The following PDGFRL variants were observed in gnomAD, a reference collection of about 807,000 sequenced individuals.
PDGFRL encodes the protein platelet-derived growth factor receptor-like protein.
In PDGFRL, 46 loss-of-function variants were observed where a neutral mutation model predicts 37.2. The observed-to-expected ratio is 1.24, with a 90% CI of 0.98 to 1.58. PDGFRL has a LOEUF of 1.58. Ranked by LOEUF, PDGFRL falls within the 40% of genes most tolerant of loss-of-function variation. The pLI is 0.00. For missense variants in PDGFRL, 692 were observed against 467.6 expected (o/e 1.48, Z -4.43); for synonymous variants, 251 against 184.3 (o/e 1.36, Z -2.93).
chr8:17,584,329 CA>C, intron 1 of PDGFRL, among the ~76,000 whole-genome samples: 1 of 152,278 alleles, frequency 6.6e-6, no homozygotes, highest in South Asian at 2.1e-4. Flanking sequence ...CTAACTTTGA[CA>C]TGCCTACTAG....
intron 4 of PDGFRL, among the ~76,000 whole-genome samples, chr8:17,630,211 AT>A (rs1428286535): frequency 6.6e-6 from 1 of 152,108 alleles, no homozygotes; most frequent in Non-Finnish European, 1.5e-5. Flanking sequence ...GAGTTCTCAA[AT>A]TCCCGCCTCA....
At chr8:17,589,298 A>G (rs185780254) in intron 1 of PDGFRL, among the ~76,000 whole-genome samples, 170 bp from the exon 2 acceptor site, 1 of 152,222 alleles carries the variant, frequency 6.6e-6, no homozygotes, top group African/African-American at 2.4e-5. Flanking sequence ...AGGCAAGAGA[A>G]TCACTTGAAC....
At chr8:17,589,249 G>C (rs1166936834) in intron 1 of PDGFRL, among the ~76,000 whole-genome samples, 1 of 152,058 alleles carries the variant, frequency 6.6e-6, no homozygotes, top group Non-Finnish European at 1.5e-5. Context: ...AGTTGGGTGT[G>C]GCGGCGGGCA....
chr8:17,641,303 C>G (rs1445730974), intron 5 of PDGFRL, among the ~76,000 whole-genome samples: 1 of 152,232 alleles, frequency 6.6e-6, no homozygotes, highest in African/African-American at 2.4e-5. Flanking sequence ...CGAGTTCTGT[C>G]CAGGAAACTG....
intron 2 of PDGFRL, among the ~76,000 whole-genome samples, chr8:17,619,757 A>C (rs1000535326): frequency 1.3e-5 from 2 of 152,240 alleles, no homozygotes; most frequent in Non-Finnish European, 1.5e-5. Context: ...TTCATGAGAC[A>C]CAGGCTGAAA....
At chr8:17,583,183 C>G (rs1249821814) in intron 1 of PDGFRL, among the ~76,000 whole-genome samples, 3 of 152,028 alleles carry the variant, frequency 2.0e-5, no homozygotes, top group African/African-American at 7.2e-5. Flanking sequence ...AGTGTGCGAG[C>G]AGAAGCCTGC....
chr8:17,579,517 CA>C (rs1481252507), intron 1 of PDGFRL, among the ~76,000 whole-genome samples: 1 of 133,702 alleles, frequency 7.5e-6, no homozygotes, highest in Non-Finnish European at 1.6e-5. Flanking sequence ...TTTCTGATCA[CA>C]TCTAAAAGAC....
At chr8:17,600,494 C>G (rs1804144108) in intron 2 of PDGFRL, among the ~76,000 whole-genome samples, 1 of 152,054 alleles carries the variant, frequency 6.6e-6, no homozygotes, top group Non-Finnish European at 1.5e-5. Flanking sequence ...GCTGCCTGCT[C>G]ACAATATCTG....
At chr8:17,579,906 G>A (rs1450493059) in intron 1 of PDGFRL, among the ~76,000 whole-genome samples, 3 of 152,116 alleles carry the variant, frequency 2.0e-5, no homozygotes, top group Non-Finnish European at 4.4e-5. Context: ...ATTCCACGTT[G>A]AGATGTCAAT....
intron 5 of PDGFRL, among the ~76,000 whole-genome samples, chr8:17,635,336 T>G (rs7015914): frequency 8.6e-5 from 13 of 151,458 alleles, no homozygotes; most frequent in Admixed American, 2.0e-4. Flanking sequence ...GTCATTCTTA[T>G]GTCTGCATCC....
intron 2 of PDGFRL, 71 bp from the exon 3 acceptor site, chr8:17,620,980 G>A (rs1804617922): frequency 6.1e-6 from 7 of 1,154,082 alleles, no homozygotes; most frequent in Non-Finnish European, 8.6e-6. Flanking sequence ...GAACAGTGGA[G>A]CCGAGTGTGA....
chr8:17,621,292 T>C, intron 3 of PDGFRL, 90 bp downstream of exon 3: 1 of 789,676 alleles, frequency 1.3e-6, no homozygotes, highest in Non-Finnish European at 2.0e-6. Flanking sequence ...GAATAGCAAA[T>C]AATGACAATC....
At chr8:17,581,335 G>A (rs1257941698) in intron 1 of PDGFRL, among the ~76,000 whole-genome samples, 2 of 152,174 alleles carry the variant, frequency 1.3e-5, no homozygotes, top group African/African-American at 4.8e-5. Flanking sequence ...TGGCTGTGAT[G>A]CGTGGGACGG....
intron 2 of PDGFRL, among the ~76,000 whole-genome samples, chr8:17,607,528 A>G (rs1804308171): frequency 6.6e-6 from 1 of 152,220 alleles, no homozygotes; most frequent in Non-Finnish European, 1.5e-5. Flanking sequence ...GAAAATGACA[A>G]TACAGTCAAG....
intron 2 of PDGFRL, among the ~76,000 whole-genome samples, chr8:17,610,080 C>G (rs566767043): frequency 2.4e-4 from 36 of 152,320 alleles, no homozygotes; most frequent in Admixed American, 5.9e-4. Context: ...ATAATACACT[C>G]ACTGTGCCTG....
At chr8:17,611,024 G>A (rs532224531) in intron 2 of PDGFRL, among the ~76,000 whole-genome samples, 3 of 152,212 alleles carry the variant, frequency 2.0e-5, no homozygotes, top group African/African-American at 7.2e-5. Flanking sequence ...CATTCATTTG[G>A]TTAGGACTTA....
At chr8:17,612,777 G>A (rs2588115) in intron 2 of PDGFRL, among the ~76,000 whole-genome samples, 121,531 of 152,114 alleles carry the variant, frequency 0.8, 48,726 homozygotes, top group Non-Finnish European at 0.82. Context: ...CCCAAGAAAC[G>A]TGGTTAACAC....
intron 2 of PDGFRL, among the ~76,000 whole-genome samples, chr8:17,605,454 C>G (rs1028971817): frequency 1.3e-5 from 2 of 152,162 alleles, no homozygotes; most frequent in African/African-American, 2.4e-5. Flanking sequence ...GCTGGGAGAT[C>G]AACGTGACCC....
intron 5 of PDGFRL, among the ~76,000 whole-genome samples, chr8:17,636,523 A>G (rs1189010702): frequency 3.3e-5 from 5 of 150,060 alleles, no homozygotes; most frequent in Non-Finnish European, 5.9e-5. Flanking sequence ...GCCTTATAGT[A>G]TAGTTTGAAG....
Sources: gnomAD v4.1 joint callset for allele counts (sites outside exome capture counted in the v4.1 genomes callset) on GRCh38, gnomAD v4.1.1 for gene constraint, MANE v1.5 for transcripts, NCBI Gene and HGNC (gene_info 2026-07-23, HGNC 2026-07-21) for gene names.